The following BTD variants were observed in gnomAD, a reference collection of about 807,000 sequenced individuals.
BTD encodes the protein biotinidase.
A neutral mutation model predicts 17.7 loss-of-function variants in BTD; 13 were observed. The ratio of observed to expected loss-of-function variants is 0.74; its 90% CI spans 0.48 to 1.17. The LOEUF (loss-of-function observed/expected upper bound fraction) is 1.17. BTD is among the 50% of genes most tolerant of loss of function. The pLI is 0.00. For synonymous variants in BTD, 240 were observed against 245.2 expected (o/e 0.98, Z 0.20); for missense variants, 674 against 650.4 (o/e 1.04, Z -0.39).
chr3:15,713,186 A>G (rs1395763602), downstream of BTD, among the ~76,000 whole-genome samples: 1 of 152,170 alleles, frequency 6.6e-6, no homozygotes, highest in Admixed American at 6.5e-5. Context: ...TAGTATTTGG[A>G]TTAAAAAAAA....
intron 3 of BTD, among the ~76,000 whole-genome samples, chr3:15,665,473 A>G (rs1311982279): frequency 6.6e-6 from 1 of 152,214 alleles, no homozygotes; most frequent in Non-Finnish European, 1.5e-5. Flanking sequence ...AGAACTTTCC[A>G]ACTCAAAATA....
intron 3 of BTD, among the ~76,000 whole-genome samples, chr3:15,665,189 CA>C (rs1162832541): frequency 6.6e-6 from 1 of 152,048 alleles, no homozygotes; most frequent in Non-Finnish European, 1.5e-5. Context: ...GAAATGGAGA[CA>C]TTTTTTAAGT....
chr3:15,650,895 G>T lies in BTD; in HGVS notation c.*5407G>T, dbSNP rs556694796. 6.6e-6 allele frequency among the ~76,000 whole-genome samples: 1 copy of T among 152,074 alleles called. No homozygotes were observed. Among genetic ancestry groups the T allele is most frequent in the Non-Finnish European group, 1.5e-5 (1 of 68,010 alleles). On this transcript the variant is annotated 3_prime_UTR_variant, in exon 4 of 4. Coordinates refer to ENST00000643237, the MANE Select transcript of BTD (RefSeq NM_001370658.1). Reference sequence around the variant, plus strand: ...AGCGATTCTCCTGCCTCAGCCTTCCGAGTAGCTGGGACTACAGGCACGTGC... The same window carrying T: ...AGCGATTCTCCTGCCTCAGCCTTCCTAGTAGCTGGGACTACAGGCACGTGC...
intron 3 of BTD, chr3:15,668,820 T>C (rs949262575): frequency 2.0e-5 from 3 of 152,658 alleles, no homozygotes; most frequent in African/African-American, 7.2e-5. Context: ...TAATTTACAA[T>C]GTCATAAAGT....
chr3:15,623,010 G>A (rs143036752), intron 1 of BTD, among the ~76,000 whole-genome samples: 1,724 of 152,328 alleles, frequency 0.011, 43 homozygotes, highest in African/African-American at 0.04. Context: ...CATGGCAGAA[G>A]GCAAATGAGG....
rs182063873 is a variant in BTD at position 15,699,101 on chromosome 3, T to C, written c.400-10959T>C. ...AAATAACACCACACATCTACAACCATCTGATTTTTGACAAACCTGACAAAA... is the reference window on the plus strand; with the variant it reads ...AAATAACACCACACATCTACAACCACCTGATTTTTGACAAACCTGACAAAA... On this transcript the variant is annotated intron_variant, in intron 3 of 3. Coordinates refer to the BTD transcript ENST00000672141. Among the ~76,000 whole-genome samples the C allele has an allele frequency of 3.4e-3, 516 of 152,228 alleles. 3 individuals carry two copies. Among genetic ancestry groups the C allele is most frequent in the African/African-American group, 0.012 (498 of 41,540 alleles).
intron 1 of BTD, among the ~76,000 whole-genome samples, chr3:15,613,212 A>G (rs1034881165): frequency 1.3e-5 from 2 of 152,356 alleles, no homozygotes; most frequent in African/African-American, 4.8e-5. Context: ...GAGTCACCTT[A>G]GGGTGTGTCC....
At position 15,685,226 on chromosome 3, in the gene BTD, C is replaced by T. The variant is rs767021775; in HGVS notation, c.400-24834C>T. On this transcript the variant is annotated intron_variant, in intron 3 of 3. Coordinates refer to the BTD transcript ENST00000672141. ...ATGCATTTGTGTTTGTATACTTAAC[C>T]ATTGTAGCAAGCCCAGTGAAGTGCC... is the stretch of plus-strand genomic sequence containing the variant. 3 of 1,613,536 alleles carry T rather than the reference C, an allele frequency of 1.9e-6. No homozygotes were observed. The East Asian group carries it at 6.7e-5, about 36-fold the overall frequency.
intron 3 of BTD, chr3:15,678,272 C>T: frequency 1.2e-6 from 2 of 1,613,032 alleles, no homozygotes; most frequent in Non-Finnish European, 1.7e-6. Context: ...GTAGAGTCCA[C>T]AGAATTGACT....
At chr3:15,657,612 A>G (rs2125538185), downstream of BTD, among the ~76,000 whole-genome samples, 1 of 152,310 alleles carries the variant, frequency 6.6e-6, no homozygotes, top group South Asian at 2.1e-4. Flanking sequence ...GGTAAGGCAC[A>G]TTACAAGCAC....
At chr3:15,689,421 A>C (rs1174697747) in intron 3 of BTD, among the ~76,000 whole-genome samples, 1 of 152,200 alleles carries the variant, frequency 6.6e-6, no homozygotes, top group Non-Finnish European at 1.5e-5. Flanking sequence ...AGATGAATCC[A>C]CTGCCACTGC....
chr3:15,677,387 G>T, intron 3 of BTD: 1 of 857,318 alleles, frequency 1.2e-6, no homozygotes, highest in Non-Finnish European at 1.9e-6. Flanking sequence ...AGAGAGGTTT[G>T]GTCCTGAGTT....
rs761431603 is a variant in BTD, at chr3:15,645,541, C to T, written c.*53C>T. The T allele has an allele frequency of 3.4e-5, 54 of 1,583,416 alleles. No homozygotes were observed. Among genetic ancestry groups the T allele is most frequent in the Non-Finnish European group, 4.2e-5 (49 of 1,167,606 alleles). Reference sequence around the variant, plus strand: ...TCTGGCCATCATGTTGACAGCCTTGCACTTCCACAGGCTACAAGCCCTGGG... The same window carrying T: ...TCTGGCCATCATGTTGACAGCCTTGTACTTCCACAGGCTACAAGCCCTGGG... On this transcript the variant is annotated 3_prime_UTR_variant, in exon 4 of 4. Transcript: ENST00000643237.
exon 4 of BTD, chr3:15,711,382 C>T: frequency 1.1e-6 from 1 of 880,120 alleles, no homozygotes; most frequent in East Asian, 2.6e-5. Context: ...CCAAACAAAA[C>T]TATGGGTTCT....
intron 2 of BTD, among the ~76,000 whole-genome samples, chr3:15,638,519 A>T (rs2065418695): frequency 6.6e-6 from 1 of 152,242 alleles, no homozygotes; most frequent in Non-Finnish European, 1.5e-5. Flanking sequence ...AATCAAAGAT[A>T]TGTACAGGGT....
rs543705831 is a variant in BTD, at chr3:15,620,630, C to T, written c.-16-14794C>T. Among the ~76,000 whole-genome samples, 7 of 152,334 alleles carry T rather than the reference C, an allele frequency of 4.6e-5. No homozygotes were observed. The East Asian group carries it at 1.4e-3, about 29-fold the overall frequency. On this transcript the variant is annotated intron_variant, in intron 1 of 3. Transcript: ENST00000643237. ...ACAGTGGTCCTGAGGTGACATACATCTTCAGCCTACGAAGATAACAGGATT... is the reference window on the plus strand; with the variant it reads ...ACAGTGGTCCTGAGGTGACATACATTTTCAGCCTACGAAGATAACAGGATT...
rs1166407003 is a variant in BTD, at chr3:15,653,372, A to G, written c.*7884A>G. 3.3e-5 allele frequency among the ~76,000 whole-genome samples: 5 copies of G among 152,268 alleles called. No individual in the cohort carries two copies. The highest frequency in any genetic ancestry group is 2.9e-5 in the Non-Finnish European group (2 of 68,050). ...GTGTGTCCATTTTACAGAAGAAGGA[A>G]CTAAGGCCTGGAAGGCAAGTCCTTG... On this transcript the variant is annotated 3_prime_UTR_variant, in exon 4 of 4. Transcript: ENST00000643237.
rs772266503 is a variant in BTD, at chr3:15,642,050, A to G, written c.392A>G (p.Asp131Gly). The stretch of plus-strand genomic sequence containing the variant: ...TGCCTGGAGCCTCACCGCTTCAATG[A>G]CACAGAGGTGATTCCTGCCTTTTTC... ...NPCLEPHRFN[D>G]TEVLQRLSCM... The change falls in exon 3 of 4, where the codon GAC becomes GGC. Residue 131 changes from aspartate (D) to glycine (G), a missense_variant. Asp to Gly is a moderately conservative substitution (Grantham distance 94). Transcript: ENST00000643237. 8 of 1,614,140 alleles carry G rather than the reference A, an allele frequency of 5.0e-6. No individual in the cohort carries two copies. Among genetic ancestry groups the G allele is most frequent in the Admixed American group, 1.7e-5 (1 of 60,022 alleles).
At chr3:15,626,365 A>G (rs1356006749) in intron 1 of BTD, among the ~76,000 whole-genome samples, 1 of 152,166 alleles carries the variant, frequency 6.6e-6, no homozygotes, top group Non-Finnish European at 1.5e-5. Context: ...CTTTGCCTCT[A>G]ATGCTGAGGA....
Sources: gnomAD v4.1 joint callset for allele counts (sites outside exome capture counted in the v4.1 genomes callset) on GRCh38, gnomAD v4.1.1 for gene constraint, MANE v1.5 for transcripts, NCBI Gene and HGNC (gene_info 2026-07-23, HGNC 2026-07-21) for gene names.